The following ERICH6 variants were observed in gnomAD, a reference collection of about 807,000 sequenced individuals.
The protein encoded by ERICH6 is glutamate-rich protein 6.
ERICH6 carries 71 observed loss-of-function variants against 71.0 expected under a neutral mutation model. That is an observed-to-expected ratio of 1.00 (90% CI 0.83 to 1.22). ERICH6 has a LOEUF of 1.22. Among genes scored for constraint, ERICH6 ranks in the 50% most tolerant of loss-of-function variants. The probability of loss-of-function intolerance (pLI) is 0.00; values close to 1 mark genes in which losing one functional copy is unlikely to be tolerated. For missense variants in ERICH6, 808 were observed against 797.2 expected, an observed-to-expected ratio of 1.01 and a Z score of -0.16; for synonymous variants, 262 against 278.4, an observed-to-expected ratio of 0.94 and a Z score of 0.59.
intron 13 of ERICH6, among the ~76,000 whole-genome samples, chr3:150,665,988 C>T (rs1028622558): frequency 2.6e-5 from 4 of 152,228 alleles, no homozygotes; most frequent in Non-Finnish European, 4.4e-5. Context: ...GTGCCAAGTA[C>T]CACCCTTAGT....
At chr3:150,664,455 C>G (rs1727331292) in intron 13 of ERICH6, among the ~76,000 whole-genome samples, 2 of 151,986 alleles carry the variant, frequency 1.3e-5, no homozygotes, top group Non-Finnish European at 2.9e-5. Flanking sequence ...TCGACACCAG[C>G]CTGGCCAACA....
At chr3:150,701,586 G>A (rs1182352767) in intron 2 of ERICH6, among the ~76,000 whole-genome samples, 1 of 152,144 alleles carries the variant, frequency 6.6e-6, no homozygotes, top group Admixed American at 6.5e-5. Flanking sequence ...GCTTACAAAA[G>A]CAAAGTTAGG....
At chr3:150,701,598 T>G (rs1712871278) in intron 2 of ERICH6, among the ~76,000 whole-genome samples, 1 of 152,114 alleles carries the variant, frequency 6.6e-6, no homozygotes, top group Non-Finnish European at 1.5e-5. Context: ...AAAGTTAGGG[T>G]AACTAATAAT....
chr3:150,673,287 A>C (rs1559912007), intron 11 of ERICH6, among the ~76,000 whole-genome samples: 2 of 151,810 alleles, frequency 1.3e-5, no homozygotes, highest in Non-Finnish European at 1.5e-5. Flanking sequence ...CCTCGGGCTC[A>C]AGCAATCCTT....
At position 150,673,999 on chromosome 3, in the gene ERICH6, T is replaced by C. The variant is rs1444064154; in HGVS notation, c.1300A>G (p.Ser434Gly). Residue 434 changes from serine to glycine, a missense_variant, in exon 11 of 14, where the codon AGC becomes GGC. This residue lies in a region of ERICH6 where 736 missense variants were observed against 712.2 expected (regional missense o/e 1.03). Coordinates refer to ENST00000295910, the MANE Select transcript of ERICH6 (RefSeq NM_152394.5). ...TCTGGAAATGAAGTCAGAAACTTGC[T>C]CCCATGTTTGTAGTGCTTCTCTAAG... ...ELLEKHYKHG[S>G]KFLTSFPDGT... is the part of the protein sequence containing the mutation. 6.2e-7 allele frequency: 1 copy of C among 1,614,144 alleles called. No individual in the cohort carries two copies. Among genetic ancestry groups the C allele is most frequent in the Admixed American group, 1.7e-5 (1 of 60,018 alleles).
intron 3 of ERICH6, among the ~76,000 whole-genome samples, chr3:150,690,017 TA>T (rs369785668): frequency 1.8e-4 from 28 of 152,120 alleles, no homozygotes; most frequent in Middle Eastern, 3.2e-3. Context: ...TGTCTTTGTT[TA>T]AAAAAAATTT....
chr3:150,671,498 A>G (rs1711501455), intron 11 of ERICH6, among the ~76,000 whole-genome samples: 1 of 152,214 alleles, frequency 6.6e-6, no homozygotes, highest in Non-Finnish European at 1.5e-5. Flanking sequence ...AAAATTGTCC[A>G]CCACTCATGG....
intron 3 of ERICH6, among the ~76,000 whole-genome samples, chr3:150,691,295 T>A (rs1712420527): frequency 6.6e-6 from 1 of 152,188 alleles, no homozygotes; most frequent in African/African-American, 2.4e-5. Flanking sequence ...ATTATTTGGG[T>A]ATTTTGCATT....
At chr3:150,667,340 T>A (rs1156640928) in intron 12 of ERICH6, among the ~76,000 whole-genome samples, 1 of 152,114 alleles carries the variant, frequency 6.6e-6, no homozygotes, top group Non-Finnish European at 1.5e-5. Context: ...AGATTAATCC[T>A]GAAAGAGGAG....
intron 2 of ERICH6, among the ~76,000 whole-genome samples, chr3:150,700,774 G>T (rs906121670): frequency 4.6e-5 from 7 of 152,072 alleles, no homozygotes; most frequent in Non-Finnish European, 1.5e-5. Flanking sequence ...AGTAGAGACA[G>T]GGCTTCACTA....
At chr3:150,674,073 T>A in intron 10 of ERICH6, 32 bp from the exon 11 acceptor site, 1 of 1,586,120 alleles carries the variant, frequency 6.3e-7, no homozygotes, top group Non-Finnish European at 8.6e-7. Flanking sequence ...AGACACTTAA[T>A]TGTTTCGGAC....
rs762616935 is a variant in ERICH6, at chr3:150,678,556, T to C, written c.1112-2A>G. 4 of 1,587,218 alleles carry C rather than the reference T, an allele frequency of 2.5e-6. No homozygotes were observed. Among genetic ancestry groups the C allele is most frequent in the Non-Finnish European group, 3.4e-6 (4 of 1,172,442 alleles). ...AAATTGTTTTTAAGCGCTTTGAATC[T>C]AGTGGGAAAAGAATCACATAGAAAT... is the stretch of plus-strand genomic sequence containing the variant. On this transcript the variant is annotated splice_acceptor_variant, in intron 9 of 13. Transcript: ENST00000295910. LOFTEE classifies it high-confidence loss of function.
At chr3:150,665,915 A>G (rs997388663) in intron 13 of ERICH6, among the ~76,000 whole-genome samples, 6 of 151,396 alleles carry the variant, frequency 4.0e-5, no homozygotes, top group Admixed American at 2.6e-4. Flanking sequence ...TGTGTTATTT[A>G]TGTATATAGC....
Position 150,703,887 on chromosome 3 carries a change from C to A in ERICH6, c.12G>T (p.Leu4Phe), listed in dbSNP as rs1713076696. ...GGTCTCCGAAGCCGCTAGGCGAGCGCAAGTGGGCCATGGCTGGCGGGAGGC... is the reference window on the plus strand; with the variant it reads ...GGTCTCCGAAGCCGCTAGGCGAGCGAAAGTGGGCCATGGCTGGCGGGAGGC... MAH[L>F]RSPSGFGDPG... is the part of the protein sequence containing the mutation. Residue 4 changes from leucine (L) to phenylalanine (F), a missense_variant, in exon 1 of 14, where the codon TTG becomes TTT. Coordinates refer to ENST00000295910, the MANE Select transcript of ERICH6 (RefSeq NM_152394.5). 2 of 1,613,980 alleles carry A rather than the reference C, an allele frequency of 1.2e-6. No homozygotes were observed. The highest frequency in any genetic ancestry group is 1.7e-6 in the Non-Finnish European group (2 of 1,179,920).
chr3:150,681,781 G>A (rs938471363), intron 7 of ERICH6, among the ~76,000 whole-genome samples: 15 of 138,702 alleles, frequency 1.1e-4, no homozygotes, highest in African/African-American at 3.2e-4. Context: ...TGTGATTTGC[G>A]TTTCCCTGAC....
Position 150,686,319 on chromosome 3 carries a change from A to G in ERICH6, c.589T>C (p.Cys197Arg), listed in dbSNP as rs201934751. The G allele has an allele frequency of 3.1e-6, 5 of 1,614,232 alleles. No individual in the cohort carries two copies. The highest frequency in any genetic ancestry group is 1.1e-5 in the South Asian group (1 of 91,090). Reference sequence around the variant, plus strand: ...TTACCTCTTAACTTAGATGCCAGACATTCAGGTTCAGCTTTCTCTTTAGAG... The same window carrying G: ...TTACCTCTTAACTTAGATGCCAGACGTTCAGGTTCAGCTTTCTCTTTAGAG... ...KASKEKAEPE[C>R]LASKLREKWV... Residue 197 changes from cysteine to arginine, a missense_variant, in exon 4 of 14, where the codon TGT (cysteine) becomes CGT (arginine). Physicochemically the swap from Cys to Arg is radical, Grantham distance 180. This residue lies in a region of ERICH6 where 736 missense variants were observed against 712.2 expected (regional missense o/e 1.03). Coordinates refer to ENST00000295910, the MANE Select transcript of ERICH6 (RefSeq NM_152394.5).
chr3:150,693,654 A>G (rs745761175), intron 3 of ERICH6, among the ~76,000 whole-genome samples: 3 of 152,194 alleles, frequency 2.0e-5, no homozygotes, highest in Non-Finnish European at 4.4e-5. Context: ...TATACAAATG[A>G]TTAGGCCAAG....
At chr3:150,686,155 C>T in intron 4 of ERICH6, 134 bp from the exon 5 acceptor site, 1 of 1,204,272 alleles carries the variant, frequency 8.3e-7, no homozygotes, top group East Asian at 2.3e-5. Flanking sequence ...ATGCCCTGAT[C>T]CCTGACGTTT....
intron 3 of ERICH6, among the ~76,000 whole-genome samples, chr3:150,689,650 A>G (rs1018537125): frequency 2.0e-5 from 3 of 152,024 alleles, no homozygotes; most frequent in Admixed American, 6.6e-5. Flanking sequence ...TTCCTCCTAG[A>G]ATCTTGTCCC....
Sources: allele counts gnomAD v4.1 joint callset (sites outside exome capture counted in the v4.1 genomes callset), GRCh38; gene constraint gnomAD v4.1.1; regional missense constraint gnomAD v4.1.1; transcripts MANE v1.5; gene names NCBI Gene and HGNC (gene_info 2026-07-23, HGNC 2026-07-21).